The following PXDNL variants were observed in gnomAD, a reference collection of about 807,000 sequenced individuals.
The protein encoded by PXDNL is peroxidasin like, also known as probable oxidoreductase PXDNL.
A neutral mutation model predicts 150.8 loss-of-function variants in PXDNL; 145 were observed. That is an observed-to-expected ratio of 0.96 (90% confidence interval 0.84 to 1.10). PXDNL has a LOEUF of 1.10. PXDNL is among the 50% of genes least tolerant of loss of function. The pLI is 0.00. For missense variants in PXDNL, 2,087 were observed against 1,873.9 expected (o/e 1.11, Z -2.10); for synonymous variants, 757 against 725.7 (o/e 1.04, Z -0.69).
intron 17 of PXDNL, among the ~76,000 whole-genome samples, chr8:51,388,686 G>A (rs902537101): frequency 1.3e-5 from 2 of 151,874 alleles, no homozygotes; most frequent in African/African-American, 4.8e-5. Context: ...CTACCTCTTG[G>A]AACTTCTATA....
chr8:51,359,911 G>C lies in PXDNL; in HGVS notation c.3901+11962C>G, dbSNP rs552823382. 2.9e-4 allele frequency among the ~76,000 whole-genome samples: 44 copies of C among 152,236 alleles called. 1 individual carries two copies. Among genetic ancestry groups the C allele is most frequent in the African/African-American group, 9.9e-4 (41 of 41,540 alleles). ...AAAGACCACAGTCCAGGAATCCTAT[G>C]CAAGTAAGATGCTCTTCACTGTTCA... On this transcript the variant is annotated intron_variant, in intron 19 of 22. Transcript: ENST00000356297.
At chr8:51,358,798 T>C (rs1219820936) in intron 19 of PXDNL, among the ~76,000 whole-genome samples, 1 of 152,020 alleles carries the variant, frequency 6.6e-6, no homozygotes, top group Non-Finnish European at 1.5e-5. Flanking sequence ...GCAAGTGGCA[T>C]AGGAATATAG....
chr8:51,453,796 A>G lies in PXDNL; in HGVS notation c.983-11T>C, dbSNP rs753329262. The stretch of plus-strand genomic sequence containing the variant: ...CAAAGCTTGGTTTGGCTGATGGTAA[A>G]GGGGGAACAAAACGAAATCCAGCAA... On this transcript the variant is annotated splice_polypyrimidine_tract_variant and intron_variant, in intron 9 of 22. Transcript: ENST00000356297. 3 of 1,610,894 alleles carry G rather than the reference A, an allele frequency of 1.9e-6. No homozygotes were observed. In the South Asian group the frequency reaches 3.3e-5, roughly 18 times the overall value.
intron 3 of PXDNL, among the ~76,000 whole-genome samples, chr8:51,584,920 A>T (rs1226891612): frequency 1.3e-5 from 2 of 152,174 alleles, no homozygotes; most frequent in Non-Finnish European, 2.9e-5. Context: ...AAAGTTTTGT[A>T]CCGGCAAGGG....
intron 5 of PXDNL, among the ~76,000 whole-genome samples, chr8:51,485,974 G>T (rs762976225): frequency 1.3e-5 from 2 of 152,070 alleles, no homozygotes; most frequent in African/African-American, 4.8e-5. Context: ...ACTAAACCTC[G>T]GGAAAAGCCA....
chr8:51,489,899 A>G (rs2130218456), intron 5 of PXDNL, among the ~76,000 whole-genome samples: 1 of 152,320 alleles, frequency 6.6e-6, no homozygotes, highest in Middle Eastern at 3.4e-3. Context: ...TAACACAAGA[A>G]AAAGGAAGAA....
At chr8:51,509,875 T>C (rs1272949730) in intron 4 of PXDNL, among the ~76,000 whole-genome samples, 2 of 151,814 alleles carry the variant, frequency 1.3e-5, no homozygotes, top group Non-Finnish European at 2.9e-5. Flanking sequence ...TACTATGCAA[T>C]ATGCTTGTTC....
At chr8:51,534,318 C>T (rs1283928644) in intron 4 of PXDNL, among the ~76,000 whole-genome samples, 1 of 146,848 alleles carries the variant, frequency 6.8e-6, no homozygotes, top group Non-Finnish European at 1.5e-5. Flanking sequence ...TGAGGAGCGT[C>T]TACGCCCGGC....
At chr8:51,718,947 G>A (rs1035545040) in intron 1 of PXDNL, among the ~76,000 whole-genome samples, 5 of 152,028 alleles carry the variant, frequency 3.3e-5, no homozygotes, top group African/African-American at 1.2e-4. Context: ...AGGGAGGCGG[G>A]GGGCAGCCCC....
At chr8:51,416,885 C>T (rs1176629977) in intron 14 of PXDNL, among the ~76,000 whole-genome samples, 1 of 152,136 alleles carries the variant, frequency 6.6e-6, no homozygotes, top group Non-Finnish European at 1.5e-5. Flanking sequence ...CAAAAACATT[C>T]TTGATAATAA....
At position 51,420,015 on chromosome 8, in the gene PXDNL, T is replaced by G. The variant is rs1808906007; in HGVS notation, c.1795+3560A>C. On this transcript the variant is annotated intron_variant, in intron 14 of 22. Transcript: ENST00000356297. Reference sequence around the variant, plus strand: ...AACTGTGGAAATCTTTTTGTTCTTTTGCTATCATAGATGCCCTGCTATAAA... The same window carrying G: ...AACTGTGGAAATCTTTTTGTTCTTTGGCTATCATAGATGCCCTGCTATAAA... Among the ~76,000 whole-genome samples the G allele has an allele frequency of 2.0e-5, 3 of 152,214 alleles. No homozygotes were observed. In the South Asian group the frequency reaches 6.2e-4, roughly 31 times the overall value.
chr8:51,506,495 C>T (rs140893809), intron 4 of PXDNL, among the ~76,000 whole-genome samples: 17,893 of 131,492 alleles, frequency 0.14, 1,396 homozygotes, highest in African/African-American at 0.22. Flanking sequence ...GAGCCGAGAT[C>T]GCACCACTGC....
At chr8:51,333,240 G>A (rs1380046453) in intron 21 of PXDNL, among the ~76,000 whole-genome samples, 1 of 151,824 alleles carries the variant, frequency 6.6e-6, no homozygotes. Context: ...GCGAAACTAA[G>A]CAACATATAT....
rs1393193915 is a variant in PXDNL, at chr8:51,788,506, A to T, written c.164+20675T>A. Among the ~76,000 whole-genome samples, 7 of 152,200 alleles carry T rather than the reference A, an allele frequency of 4.6e-5. No individual in the cohort carries two copies. The South Asian group carries it at 6.2e-4, about 13-fold the overall frequency. On this transcript the variant is annotated intron_variant, in intron 1 of 22. Transcript: ENST00000356297. ...AGGAGTAGAAATGTCATAGATAAAG[A>T]TGTATTTGCACTTTAAGTCCTATGG...
At chr8:51,367,123 AAAAAAATT>A (rs1806947211) in intron 19 of PXDNL, among the ~76,000 whole-genome samples, 1 of 150,520 alleles carries the variant, frequency 6.6e-6, no homozygotes, top group African/African-American at 2.5e-5. Context: ...AAAAAAAAAA[AAAAAAATT>A]CATATAAAAG....
At chr8:51,385,898 C>T (rs904925702) in intron 17 of PXDNL, among the ~76,000 whole-genome samples, 3 of 152,136 alleles carry the variant, frequency 2.0e-5, no homozygotes, top group African/African-American at 7.2e-5. Context: ...GATTGTGAGG[C>T]CTCCCAGCCG....
At position 51,408,478 on chromosome 8, in the gene PXDNL, G is replaced by C. The variant is rs1434612476; in HGVS notation, c.3146C>G (p.Ala1049Gly). ...NVNAGIINSF[A>G]TAAFRFGHTL... ...GTGGCCAAATCTAAAGGCTGCAGTA[G>C]CAAAAGAGTTAATGATGCCTGCATT... The change falls in exon 17 of 23, where the codon GCT (alanine) becomes GGT (glycine). Residue 1049 changes from alanine (A) to glycine (G), a missense_variant. Transcript: ENST00000356297. 6.2e-7 allele frequency: 1 copy of C among 1,613,754 alleles called. No homozygotes were observed. Among genetic ancestry groups the C allele is most frequent in the South Asian group, 1.1e-5 (1 of 91,026 alleles).
chr8:51,601,521 A>G (rs944016728), intron 2 of PXDNL, among the ~76,000 whole-genome samples: 1 of 151,802 alleles, frequency 6.6e-6, no homozygotes, highest in Non-Finnish European at 1.5e-5. Flanking sequence ...TCTCTGTTTT[A>G]TCTGATATAA....
rs151227305 is a variant in PXDNL at position 51,668,347 on chromosome 8, A to G, written c.165-13587T>C. Reference sequence around the variant, plus strand: ...GCACCACCACACCTGGCTAATTTCTATATTTTTAGTAGAGATGGTGTTTCA... The same window carrying G: ...GCACCACCACACCTGGCTAATTTCTGTATTTTTAGTAGAGATGGTGTTTCA... On this transcript the variant is annotated intron_variant, in intron 1 of 22. Coordinates refer to ENST00000356297, the MANE Select transcript of PXDNL (RefSeq NM_144651.5). Among the ~76,000 whole-genome samples the G allele has an allele frequency of 6.9e-3, 1,039 of 151,060 alleles. 18 individuals carry two copies. The highest frequency in any genetic ancestry group is 0.024 in the African/African-American group (989 of 41,190).
Sources: allele counts gnomAD v4.1 joint callset (sites outside exome capture counted in the v4.1 genomes callset), GRCh38; gene constraint gnomAD v4.1.1; transcripts MANE v1.5; gene names NCBI Gene and HGNC (gene_info 2026-07-23, HGNC 2026-07-21).